FAM120B: variants seen among roughly 807,000 people sequenced by gnomAD.
The protein encoded by FAM120B is constitutive coactivator of peroxisome proliferator-activated receptor gamma.
A neutral mutation model predicts 96.3 loss-of-function variants in FAM120B; 83 were observed. The observed-to-expected ratio is 0.86, with a 90% CI of 0.72 to 1.03. The LOEUF is 1.03. Among genes scored for constraint, FAM120B ranks in the 50% least tolerant of loss-of-function variants. The pLI, the probability that FAM120B is intolerant of heterozygous loss-of-function variation, is 0.00. For missense variants in FAM120B, 1,027 were observed against 1,121.2 expected, an observed-to-expected ratio of 0.92 and a Z score of 1.20; for synonymous variants, 407 against 402.7, an observed-to-expected ratio of 1.01 and a Z score of -0.13.
chr6:170,354,935 A>G (rs1218625256), intron 5 of FAM120B, among the ~76,000 whole-genome samples: 2 of 152,188 alleles, frequency 1.3e-5, no homozygotes, highest in African/African-American at 4.8e-5. Context: ...TCTCAAAAAA[A>G]CAAAAAGGAC....
intron 6 of FAM120B, among the ~76,000 whole-genome samples, chr6:170,378,386 C>T (rs903375576): frequency 2.0e-5 from 3 of 152,178 alleles, no homozygotes; most frequent in Non-Finnish European, 2.9e-5. Flanking sequence ...CCCTGCCACC[C>T]GCTAGAAGGA....
At chr6:170,291,131 CA>C, upstream of FAM120B, 1 of 635,106 alleles carries the variant, frequency 1.6e-6, no homozygotes, top group Non-Finnish European at 2.9e-6. Context: ...CCCGCCCCCC[CA>C]GTCCTCCCCT....
chr6:170,391,396 G>A (rs889507974), intron 8 of FAM120B, among the ~76,000 whole-genome samples: 4 of 152,138 alleles, frequency 2.6e-5, no homozygotes, highest in Non-Finnish European at 4.4e-5. Flanking sequence ...TGAACCGGGC[G>A]TGTTGGCGGG....
rs1402298543 is a variant in FAM120B, at chr6:170,404,560, G to A, written c.2703G>A (p.Gln901=). The change falls in exon 10 of 11, where the codon CAG becomes CAA. Residue 901 remains glutamine (Q), a synonymous_variant. Transcript: ENST00000476287. The part of the protein sequence containing the change: ...PWRDQGPGSR[Q]YEHDQWRRY ...GTCTGTTTACTGCAGGAAGCAGACA[G>A]TATGAGCATGACCAGTGGAGAAGGT... 9 of 1,613,876 alleles carry A rather than the reference G, an allele frequency of 5.6e-6. No individual in the cohort carries two copies. Among genetic ancestry groups the A allele is most frequent in the Non-Finnish European group, 7.6e-6 (9 of 1,179,914 alleles).
chr6:170,350,024 A>G (rs1015148323), intron 5 of FAM120B, among the ~76,000 whole-genome samples: 18 of 152,122 alleles, frequency 1.2e-4, no homozygotes, highest in Admixed American at 3.3e-4. Context: ...AGATCCCTTC[A>G]TGAGCCCATA....
intron 6 of FAM120B, among the ~76,000 whole-genome samples, chr6:170,374,869 A>G (rs1305392094): frequency 1.3e-5 from 2 of 152,246 alleles, no homozygotes; most frequent in Non-Finnish European, 1.5e-5. Flanking sequence ...AGAGCACATC[A>G]GTAGATGATA....
At chr6:170,381,942 G>T (rs75702553) in intron 6 of FAM120B, among the ~76,000 whole-genome samples, 4 of 152,192 alleles carry the variant, frequency 2.6e-5, no homozygotes, top group African/African-American at 9.6e-5. Context: ...CAATATCAGG[G>T]ATATTAGGGA....
At chr6:170,400,840 C>T (rs1049541882) in intron 9 of FAM120B, among the ~76,000 whole-genome samples, 19 of 152,194 alleles carry the variant, frequency 1.2e-4, no homozygotes, top group African/African-American at 4.3e-4. Context: ...TGTGGCCTGG[C>T]GGGAGCAGAG....
chr6:170,404,433 T>C (rs1778730311), intron 9 of FAM120B, 117 bp from the exon 10 acceptor site: 2 of 826,548 alleles, frequency 2.4e-6, no homozygotes, highest in Non-Finnish European at 3.9e-6. Context: ...AGGATAAAGC[T>C]GTGTCCTCCA....
intron 2 of FAM120B, among the ~76,000 whole-genome samples, chr6:170,322,863 C>T (rs1211270608): frequency 2.0e-5 from 3 of 151,564 alleles, no homozygotes; most frequent in South Asian, 2.1e-4. Context: ...GACTGGTAGA[C>T]GTTTGGAGAG....
intron 9 of FAM120B, among the ~76,000 whole-genome samples, chr6:170,401,106 T>C (rs1778557549): frequency 6.6e-6 from 1 of 152,192 alleles, no homozygotes; most frequent in African/African-American, 2.4e-5. Flanking sequence ...ATAGGCGGAA[T>C]TGTAGCTAGT....
intron 6 of FAM120B, among the ~76,000 whole-genome samples, chr6:170,377,761 T>G (rs34148911): frequency 1.9e-3 from 130 of 68,834 alleles, no homozygotes; most frequent in East Asian, 7.3e-3. Context: ...CACGCTGCTC[T>G]GTGCTGTGCA....
In FAM120B at chr6:170,358,246, G is replaced by A. The variant is rs759458647; in HGVS notation, c.2211G>A (p.Glu737=). The change falls in exon 6 of 11, where the codon GAG becomes GAA. Residue 737 remains glutamate (E), a synonymous_variant. Coordinates refer to ENST00000476287, the MANE Select transcript of FAM120B (RefSeq NM_032448.3). ...LFVQVDTLCL[E]DLHAFIAQAL... is the part of the protein sequence containing the mutation. The stretch of plus-strand genomic sequence containing the variant: ...TTCAGGTGGACACGCTTTGCCTGGA[G>A]GATTTGCATGCGTTTATTGCGCAGG... 2 of 1,604,952 alleles carry A rather than the reference G, an allele frequency of 1.2e-6. No individual in the cohort carries two copies. The highest frequency in any genetic ancestry group is 1.3e-5 in the African/African-American group (1 of 74,978).
At chr6:170,371,761 G>T (rs1051291477) in intron 6 of FAM120B, among the ~76,000 whole-genome samples, 5 of 152,230 alleles carry the variant, frequency 3.3e-5, no homozygotes, top group Non-Finnish European at 5.9e-5. Context: ...GCCTTGAAGA[G>T]TGTCTGCCAT....
At position 170,319,021 on chromosome 6, in the gene FAM120B, C is replaced by A. The variant is rs530250537; in HGVS notation, c.1631C>A (p.Ala544Asp). 18 of 1,613,874 alleles carry A rather than the reference C, an allele frequency of 1.1e-5. No homozygotes were observed. The highest frequency in any genetic ancestry group is 1.4e-5 in the Non-Finnish European group (16 of 1,179,972). The change falls in exon 2 of 11, where the codon GCT becomes GAT. Residue 544 changes from alanine to aspartate, a missense_variant. This residue lies in a region of FAM120B where 880 missense variants were observed against 980.9 expected (regional missense o/e 0.90). Transcript: ENST00000476287. ...ACAGATTTTGAATTTAAGCTAGAAG[C>A]TCTCATGTGTACAAACCCTGAAATT... ...VATDFEFKLE[A>D]LMCTNPEIKQ...
chr6:170,398,111 T>A (rs1778291333), intron 9 of FAM120B, among the ~76,000 whole-genome samples: 1 of 152,226 alleles, frequency 6.6e-6, no homozygotes, highest in Non-Finnish European at 1.5e-5. Context: ...TGCCTGCCTG[T>A]CACAGAGGAA....
chr6:170,399,142 A>G (rs1241197147), intron 9 of FAM120B, among the ~76,000 whole-genome samples: 1 of 147,798 alleles, frequency 6.8e-6, no homozygotes, highest in African/African-American at 2.6e-5. Context: ...TGAGAAAGGT[A>G]GAACTATGTC....
At chr6:170,354,869 C>T (rs1369013628) in intron 5 of FAM120B, among the ~76,000 whole-genome samples, 2 of 152,142 alleles carry the variant, frequency 1.3e-5, no homozygotes, top group Non-Finnish European at 2.9e-5. Context: ...GTGGAGCTTG[C>T]AGTGAGCCGA....
upstream of FAM120B, among the ~76,000 whole-genome samples, chr6:170,304,783 A>C (rs1784220792): frequency 6.6e-6 from 1 of 151,920 alleles, no homozygotes; most frequent in Non-Finnish European, 1.5e-5. Flanking sequence ...TTCCTCTTCT[A>C]ACCCTTTGTC....
Sources: allele counts gnomAD v4.1 joint callset (sites outside exome capture counted in the v4.1 genomes callset), GRCh38; gene constraint gnomAD v4.1.1; regional missense constraint gnomAD v4.1.1; transcripts MANE v1.5; gene names NCBI Gene and HGNC (gene_info 2026-07-23, HGNC 2026-07-21).